RORA: variants seen among roughly 807,000 people sequenced by gnomAD.
The protein encoded by RORA is RAR related orphan receptor A.
In RORA, 7 loss-of-function variants were observed where a neutral mutation model predicts 69.5. That is an observed-to-expected ratio of 0.10 (90% CI 0.06 to 0.19). The LOEUF (loss-of-function observed/expected upper bound fraction) is 0.19. Ranked by LOEUF, RORA falls within the 10% of genes least tolerant of loss-of-function variation. The pLI is 1.00. For synonymous variants in RORA, 261 were observed against 240.8 expected, an observed-to-expected ratio of 1.08 and a Z score of -0.78; for missense variants, 457 against 663.0, an observed-to-expected ratio of 0.69 and a Z score of 3.41.
chr15:61,140,073 G>A (rs2079283963), intron 1 of RORA, among the ~76,000 whole-genome samples: 1 of 152,080 alleles, frequency 6.6e-6, no homozygotes, highest in South Asian at 2.1e-4. Context: ...TACATTCACA[G>A]TACACTGAAT....
At chr15:61,180,474 C>T (rs1233260961) in intron 1 of RORA, among the ~76,000 whole-genome samples, 1 of 152,164 alleles carries the variant, frequency 6.6e-6, no homozygotes, top group African/African-American at 2.4e-5. Flanking sequence ...AATTAGTTAC[C>T]TTGCTGTGTT....
At chr15:60,544,934 G>A (rs1180044780) in intron 2 of RORA, 2 of 152,330 alleles carry the variant, frequency 1.3e-5, no homozygotes, top group African/African-American at 4.8e-5. Context: ...ACACAGAGGA[G>A]TAACTTCTGA....
chr15:60,608,544 A>G (rs1423620036), intron 2 of RORA, among the ~76,000 whole-genome samples: 1 of 152,186 alleles, frequency 6.6e-6, no homozygotes, highest in South Asian at 2.1e-4. Context: ...TGCTCACTAC[A>G]TGTTGCAAGA....
chr15:61,106,114 G>A (rs1209436760), intron 1 of RORA, among the ~76,000 whole-genome samples: 2 of 152,142 alleles, frequency 1.3e-5, no homozygotes, highest in Non-Finnish European at 2.9e-5. Flanking sequence ...TTTCTTAAAG[G>A]GCCCTAAAGA....
At chr15:60,792,984 T>C (rs12900739) in intron 1 of RORA, among the ~76,000 whole-genome samples, 1 of 151,804 alleles carries the variant, frequency 6.6e-6, no homozygotes, top group Non-Finnish European at 1.5e-5. Flanking sequence ...ACAAATACTG[T>C]CTTTCCTGCT....
chr15:61,074,756 C>G (rs2078422836), intron 1 of RORA, among the ~76,000 whole-genome samples: 1 of 152,146 alleles, frequency 6.6e-6, no homozygotes. Context: ...CTGTGGACTG[C>G]AACTAACTCA....
intron 1 of RORA, among the ~76,000 whole-genome samples, chr15:60,893,879 C>T (rs558030521): frequency 1.3e-5 from 2 of 152,298 alleles, no homozygotes; most frequent in Admixed American, 6.5e-5. Context: ...GCTAATGGAC[C>T]TGCCCAAGGT....
intron 1 of RORA, among the ~76,000 whole-genome samples, chr15:61,013,530 T>C (rs1161985527): frequency 6.6e-6 from 1 of 152,212 alleles, no homozygotes; most frequent in African/African-American, 2.4e-5. Flanking sequence ...ACAGGATTAG[T>C]GTGTCGCTCA....
chr15:60,873,039 C>T (rs1413093376), intron 1 of RORA, among the ~76,000 whole-genome samples: 2 of 152,098 alleles, frequency 1.3e-5, no homozygotes, highest in Non-Finnish European at 2.9e-5. Context: ...TTTCGTTTTT[C>T]ACATCAAGTG....
At chr15:60,921,758 A>G (rs372418033) in intron 1 of RORA, among the ~76,000 whole-genome samples, 1 of 152,188 alleles carries the variant, frequency 6.6e-6, no homozygotes, top group African/African-American at 2.4e-5. Flanking sequence ...CCTTTACGCT[A>G]CATCTTCCTC....
In RORA at chr15:60,971,422, T is replaced by C. The variant is rs187504162; in HGVS notation, c.166+257631A>G. 1.8e-4 allele frequency among the ~76,000 whole-genome samples: 28 copies of C among 152,280 alleles called. 1 individual carries two copies. In the East Asian group the frequency reaches 5.4e-3, roughly 29 times the overall value. On this transcript the variant is annotated intron_variant, in intron 1 of 10. Coordinates refer to ENST00000335670, the MANE Select transcript of RORA (RefSeq NM_134261.3). ...CACTCCCCACTCCCAGGCCCGCATG[T>C]CCCTAACTGCAGTGGGTGGCTGGGC...
At chr15:60,914,228 C>T (rs575930358) in intron 1 of RORA, among the ~76,000 whole-genome samples, 5 of 152,156 alleles carry the variant, frequency 3.3e-5, no homozygotes, top group Non-Finnish European at 5.9e-5. Flanking sequence ...ACTCAAGAAG[C>T]ACCAAATGTA....
chr15:60,942,033 T>C (rs996718580), intron 1 of RORA, among the ~76,000 whole-genome samples: 7 of 152,222 alleles, frequency 4.6e-5, no homozygotes, highest in East Asian at 1.9e-4. Flanking sequence ...TCCTAAAGGA[T>C]TGAATTAAAA....
chr15:60,851,553 A>C (rs562201326), intron 1 of RORA, among the ~76,000 whole-genome samples: 8 of 152,146 alleles, frequency 5.3e-5, no homozygotes, highest in African/African-American at 1.9e-4. Flanking sequence ...GCTACCTCCT[A>C]CTCTGAGTTT....
At chr15:61,021,768 A>G (rs1895537030) in intron 1 of RORA, among the ~76,000 whole-genome samples, 1 of 152,226 alleles carries the variant, frequency 6.6e-6, no homozygotes. Context: ...AGATGCACGG[A>G]AGCACTATCA....
At chr15:60,701,234 T>C (rs150816533) in intron 1 of RORA, among the ~76,000 whole-genome samples, 75 of 152,324 alleles carry the variant, frequency 4.9e-4, no homozygotes, top group African/African-American at 1.8e-3. Flanking sequence ...GTCTGGCACA[T>C]AATAGCTTCT....
intron 1 of RORA, among the ~76,000 whole-genome samples, chr15:60,746,075 A>G (rs940559059): frequency 6.6e-6 from 1 of 152,216 alleles, no homozygotes; most frequent in Admixed American, 6.5e-5. Context: ...GACCTTTTCC[A>G]AAATATCATA....
intron 2 of RORA, among the ~76,000 whole-genome samples, chr15:60,623,563 G>A (rs1227073848): frequency 1.3e-5 from 2 of 152,132 alleles, no homozygotes; most frequent in Non-Finnish European, 2.9e-5. Context: ...AACAGACAAG[G>A]GAACTAAGGC....
At chr15:60,997,539 A>G (rs1261951260) in intron 1 of RORA, among the ~76,000 whole-genome samples, 2 of 152,208 alleles carry the variant, frequency 1.3e-5, no homozygotes, top group African/African-American at 4.8e-5. Flanking sequence ...ATCTTCAAAA[A>G]TTGTTTTTCC....
Sources: allele counts gnomAD v4.1 joint callset (sites outside exome capture counted in the v4.1 genomes callset), GRCh38; gene constraint gnomAD v4.1.1; transcripts MANE v1.5; gene names NCBI Gene and HGNC (gene_info 2026-07-23, HGNC 2026-07-21).